Variants in CTNNA3 observed in about 807,000 individuals in gnomAD.
CTNNA3 encodes catenin alpha 3, also known as catenin alpha-3.
Under a neutral mutation model 95.7 loss-of-function variants are expected in CTNNA3, and 76 were observed. The observed-to-expected ratio is 0.79, with a 90% CI of 0.66 to 0.96. The LOEUF (loss-of-function observed/expected upper bound fraction) is 0.96. Among genes scored for constraint, CTNNA3 ranks in the 40% least tolerant of loss-of-function variants. The probability of loss-of-function intolerance (pLI) is 0.00; values close to 1 mark genes in which losing one functional copy is unlikely to be tolerated. For missense variants in CTNNA3, 1,191 were observed against 1,089.8 expected, an observed-to-expected ratio of 1.09 and a Z score of -1.31; for synonymous variants, 431 against 374.4, an observed-to-expected ratio of 1.15 and a Z score of -1.74.
Position 66,744,338 on chromosome 10 carries a change from A to G in CTNNA3, c.1281+21926T>C, listed in dbSNP as rs544622436. Among the ~76,000 whole-genome samples the G allele has an allele frequency of 1.6e-3, 248 of 152,336 alleles. 1 individual carries two copies. The highest frequency in any genetic ancestry group is 5.6e-3 in the African/African-American group (233 of 41,582). ...ATTAAGGACTCTATGTCTTTTGCAC[A>G]TGACATTCTAATTTGGATCAAAGAA... On this transcript the variant is annotated intron_variant, in intron 9 of 17. Coordinates refer to ENST00000433211, the MANE Select transcript of CTNNA3 (RefSeq NM_013266.4).
At chr10:67,199,264 G>A (rs535042748) in intron 6 of CTNNA3, among the ~76,000 whole-genome samples, 21 of 152,284 alleles carry the variant, frequency 1.4e-4, no homozygotes, top group South Asian at 6.2e-4. Context: ...GTGATAAAGG[G>A]ATAACTGTGG....
intron 2 of CTNNA3, among the ~76,000 whole-genome samples, chr10:67,618,326 C>T (rs1190181291): frequency 6.6e-6 from 1 of 152,180 alleles, no homozygotes; most frequent in Admixed American, 6.6e-5. Flanking sequence ...GCCCCGCATT[C>T]CACTTCCAGC....
In CTNNA3 at chr10:67,594,732, A is replaced by T. The variant is rs956958689; in HGVS notation, c.292+12125T>A. 4.0e-5 allele frequency among the ~76,000 whole-genome samples: 6 copies of T among 151,614 alleles called. No homozygotes were observed. The South Asian group carries it at 6.2e-4, about 16-fold the overall frequency. ...AGGTTTCATTGATTTTTTATTTTTT[A>T]AAAAAATTATTTCCATGAGTTTTGG... On this transcript the variant is annotated intron_variant, in intron 3 of 17. Transcript: ENST00000433211.
Position 66,734,863 on chromosome 10 carries a change from A to C in CTNNA3, c.1281+31401T>G, listed in dbSNP as rs1589188962. On this transcript the variant is annotated intron_variant, in intron 9 of 17. Coordinates refer to ENST00000433211, the MANE Select transcript of CTNNA3 (RefSeq NM_013266.4). ...GGGCAACACTGTCTCAAAAAAAGGAAGACTGTTTCAAAAAAAAAAAAAAAA... is the reference window on the plus strand; with the variant it reads ...GGGCAACACTGTCTCAAAAAAAGGACGACTGTTTCAAAAAAAAAAAAAAAA... Among the ~76,000 whole-genome samples the C allele has an allele frequency of 2.4e-5, 3 of 124,488 alleles. No homozygotes were observed. The South Asian group carries it at 9.3e-4, about 38-fold the overall frequency. The allele number at this position is 124,488 out of a possible 152,430, so 81.7% of individuals were successfully genotyped here. A position where few individuals can be genotyped will look rare whatever the true frequency, so the allele number is the denominator to read the frequency against.
chr10:67,331,115 T>TA (rs1481191006), intron 5 of CTNNA3, among the ~76,000 whole-genome samples: 2 of 152,236 alleles, frequency 1.3e-5, no homozygotes, highest in Non-Finnish European at 2.9e-5. Context: ...CATTGTTTTT[T>TA]AAAAATAAAT....
chr10:67,481,555 A>C (rs1848229394), intron 5 of CTNNA3, among the ~76,000 whole-genome samples: 1 of 152,184 alleles, frequency 6.6e-6, no homozygotes, highest in Non-Finnish European at 1.5e-5. Context: ...AAAGAAAAGC[A>C]AAAAACATAG....
chr10:67,747,516 G>A (rs1157347369), intron 1 of CTNNA3, among the ~76,000 whole-genome samples: 1 of 152,158 alleles, frequency 6.6e-6, no homozygotes, highest in African/African-American at 2.4e-5. Flanking sequence ...AACCACAGCA[G>A]CCCTACAGAA....
intron 7 of CTNNA3, among the ~76,000 whole-genome samples, chr10:66,914,917 A>G (rs962299850): frequency 2.0e-5 from 3 of 152,170 alleles, no homozygotes; most frequent in African/African-American, 7.2e-5. Flanking sequence ...TAATCTTCTG[A>G]CATCTGGCCA....
chr10:67,219,293 G>A (rs1003646212), intron 6 of CTNNA3, among the ~76,000 whole-genome samples: 39 of 152,178 alleles, frequency 2.6e-4, no homozygotes, highest in Admixed American at 2.4e-3. Context: ...ATGCCAATAA[G>A]TATTTGTGGA....
intron 7 of CTNNA3, among the ~76,000 whole-genome samples, chr10:66,905,356 T>C (rs531981297): frequency 6.6e-6 from 1 of 152,062 alleles, no homozygotes; most frequent in South Asian, 2.1e-4. Context: ...AACATCACAC[T>C]CTGGGGCCTA....
At chr10:65,933,374 C>G (rs1273946180) in intron 17 of CTNNA3, among the ~76,000 whole-genome samples, 5 of 152,214 alleles carry the variant, frequency 3.3e-5, no homozygotes, top group Non-Finnish European at 5.9e-5. Flanking sequence ...TAATTATGCC[C>G]TTTTACTCAC....
At chr10:66,555,280 G>T (rs1346800400) in intron 10 of CTNNA3, among the ~76,000 whole-genome samples, 1 of 152,084 alleles carries the variant, frequency 6.6e-6, no homozygotes. Flanking sequence ...AAATTCTTGA[G>T]ATGTTGCCAA....
At chr10:67,617,956 A>G (rs183087392) in intron 2 of CTNNA3, among the ~76,000 whole-genome samples, 140 of 152,198 alleles carry the variant, frequency 9.2e-4, no homozygotes, top group Middle Eastern at 6.8e-3. Context: ...TGTAATGTTA[A>G]TCATATAGTC....
chr10:67,333,986 T>C (rs1841892527), intron 5 of CTNNA3: 1 of 152,214 alleles, frequency 6.6e-6, no homozygotes, highest in African/African-American at 2.4e-5. Flanking sequence ...TGCAATATAT[T>C]TTCCTTATTT....
intron 5 of CTNNA3, among the ~76,000 whole-genome samples, chr10:67,308,640 C>T (rs1207802422): frequency 1.3e-5 from 2 of 152,126 alleles, no homozygotes; most frequent in African/African-American, 4.8e-5. Context: ...GGAAAGACTT[C>T]ATTAATTAAA....
At chr10:67,591,437 A>G (rs1426646736) in intron 3 of CTNNA3, among the ~76,000 whole-genome samples, 1 of 152,178 alleles carries the variant, frequency 6.6e-6, no homozygotes, top group Non-Finnish European at 1.5e-5. Context: ...GATATTAAGT[A>G]TAAATGAGAT....
chr10:66,647,668 G>T (rs1036173237), intron 9 of CTNNA3, among the ~76,000 whole-genome samples: 2 of 133,382 alleles, frequency 1.5e-5, no homozygotes, highest in African/African-American at 5.7e-5. Context: ...CTGCCACCAC[G>T]CCCAGCTAAA....
chr10:66,551,452 A>G (rs1015375319), intron 10 of CTNNA3, among the ~76,000 whole-genome samples: 9 of 151,984 alleles, frequency 5.9e-5, no homozygotes, highest in African/African-American at 2.2e-4. Flanking sequence ...TTCTTTGGTT[A>G]TACTGTTTGG....
chr10:67,269,355 G>GA (rs1838858797), intron 5 of CTNNA3, among the ~76,000 whole-genome samples: 1 of 152,118 alleles, frequency 6.6e-6, no homozygotes. Context: ...ATAATAATGA[G>GA]AAAATCTTAT....
Sources: allele counts gnomAD v4.1 joint callset (sites outside exome capture counted in the v4.1 genomes callset), GRCh38; gene constraint gnomAD v4.1.1; transcripts MANE v1.5; gene names NCBI Gene and HGNC (gene_info 2026-07-23, HGNC 2026-07-21).